The following CNTNAP2 variants were observed in gnomAD, a reference collection of about 807,000 sequenced individuals.
CNTNAP2 encodes contactin-associated protein-like 2.
In CNTNAP2, 98 loss-of-function variants were observed where a neutral mutation model predicts 155.2. The ratio of observed to expected loss-of-function variants is 0.63; its 90% CI spans 0.54 to 0.75. The LOEUF (loss-of-function observed/expected upper bound fraction) is 0.75, where lower values mean the gene tolerates loss of function less well. Among genes scored for constraint, CNTNAP2 ranks in the 30% least tolerant of loss-of-function variants. CNTNAP2 has a pLI of 0.00. For synonymous variants in CNTNAP2, 651 were observed against 631.2 expected, an observed-to-expected ratio of 1.03 and a Z score of -0.47; for missense variants, 1,727 against 1,688.1, an observed-to-expected ratio of 1.02 and a Z score of -0.40.
chr7:146,493,867 A>G (rs541164478), intron 1 of CNTNAP2, among the ~76,000 whole-genome samples: 7 of 152,302 alleles, frequency 4.6e-5, no homozygotes, highest in South Asian at 2.1e-4. Context: ...TATTATTTGC[A>G]AAAGAAAAAT....
At chr7:148,314,843 T>G (rs1448241467) in intron 21 of CNTNAP2, among the ~76,000 whole-genome samples, 1 of 152,174 alleles carries the variant, frequency 6.6e-6, no homozygotes, top group African/African-American at 2.4e-5. Flanking sequence ...CCCATGTGAT[T>G]AAACACCAAG....
At chr7:146,730,456 T>C (rs1045595579) in intron 1 of CNTNAP2, among the ~76,000 whole-genome samples, 9 of 152,214 alleles carry the variant, frequency 5.9e-5, no homozygotes, top group Non-Finnish European at 1.2e-4. Flanking sequence ...TTGAACAGAA[T>C]TGAGATCATG....
At chr7:146,667,392 A>G (rs969907417) in intron 1 of CNTNAP2, among the ~76,000 whole-genome samples, 2 of 152,156 alleles carry the variant, frequency 1.3e-5, no homozygotes, top group South Asian at 2.1e-4. Context: ...GCTTTGTAGT[A>G]TATTTTTAAA....
rs568908343 is a variant in CNTNAP2 at position 147,256,135 on chromosome 7, A to G, written c.1349-44006A>G. Among the ~76,000 whole-genome samples, 4 of 152,310 alleles carry G rather than the reference A, an allele frequency of 2.6e-5. No homozygotes were observed. In the South Asian group the frequency reaches 8.3e-4, roughly 32 times the overall value. On this transcript the variant is annotated intron_variant, in intron 8 of 23. Transcript: ENST00000361727. Reference sequence around the variant, plus strand: ...AAAATAAGATTTTGTTACTGATATAAACCACATTGAAGTGAGGAAGACTGG... The same window carrying G: ...AAAATAAGATTTTGTTACTGATATAGACCACATTGAAGTGAGGAAGACTGG...
intron 3 of CNTNAP2, among the ~76,000 whole-genome samples, chr7:147,042,670 T>C (rs1409610595): frequency 6.6e-6 from 1 of 152,158 alleles, no homozygotes; most frequent in Non-Finnish European, 1.5e-5. Flanking sequence ...GCAAATTCAG[T>C]CCTTAGGCAA....
intron 1 of CNTNAP2, among the ~76,000 whole-genome samples, chr7:146,204,196 C>A (rs541909980): frequency 1.5e-4 from 23 of 152,170 alleles, no homozygotes; most frequent in Middle Eastern, 3.4e-3. Flanking sequence ...ATTGGGCCAA[C>A]AATATCTTAA....
intron 11 of CNTNAP2, among the ~76,000 whole-genome samples, chr7:147,557,489 T>G (rs1799974116): frequency 6.6e-6 from 1 of 152,092 alleles, no homozygotes; most frequent in Non-Finnish European, 1.5e-5. Flanking sequence ...CCCAATTACC[T>G]TTCTGTTCTT....
intron 1 of CNTNAP2, among the ~76,000 whole-genome samples, chr7:146,219,118 A>G (rs1799164546): frequency 6.6e-6 from 1 of 152,138 alleles, no homozygotes; most frequent in African/African-American, 2.4e-5. Flanking sequence ...AGTTCAGGGG[A>G]AATTGCCATT....
intron 16 of CNTNAP2, among the ~76,000 whole-genome samples, chr7:148,127,525 G>T (rs1401685335): frequency 2.0e-5 from 3 of 152,104 alleles, no homozygotes; most frequent in African/African-American, 7.2e-5. Flanking sequence ...TGCAGGCAGC[G>T]GCCTAATGTC....
chr7:147,376,319 T>TA (rs1796433017), intron 9 of CNTNAP2, among the ~76,000 whole-genome samples: 1 of 151,880 alleles, frequency 6.6e-6, no homozygotes, highest in Non-Finnish European at 1.5e-5. Flanking sequence ...GACAGGAGAC[T>TA]ATCATACAAC....
intron 13 of CNTNAP2, among the ~76,000 whole-genome samples, chr7:147,849,699 C>T (rs530180881): frequency 1.2e-4 from 18 of 152,322 alleles, no homozygotes; most frequent in South Asian, 2.1e-4. Flanking sequence ...TGCACACCTG[C>T]GAGCAGGCCA....
intron 9 of CNTNAP2, among the ~76,000 whole-genome samples, chr7:147,307,132 A>C (rs1795044455): frequency 6.6e-6 from 1 of 152,208 alleles, no homozygotes; most frequent in Admixed American, 6.5e-5. Flanking sequence ...GTGTTCCCAG[A>C]GAGTTGTTTA....
chr7:146,980,322 C>A (rs1305316043), intron 3 of CNTNAP2, among the ~76,000 whole-genome samples: 1 of 152,120 alleles, frequency 6.6e-6, no homozygotes, highest in African/African-American at 2.4e-5. Context: ...AAGGACTGAG[C>A]TGTATGTGTC....
intron 4 of CNTNAP2, among the ~76,000 whole-genome samples, chr7:147,051,175 C>T (rs1164150075): frequency 1.6e-5 from 2 of 126,038 alleles, no homozygotes; most frequent in South Asian, 2.4e-4. Flanking sequence ...ATTATATATA[C>T]ATATATATGT....
intron 1 of CNTNAP2, among the ~76,000 whole-genome samples, chr7:146,537,822 G>A (rs938926969): frequency 1.4e-4 from 22 of 152,042 alleles, no homozygotes; most frequent in African/African-American, 4.1e-4. Context: ...GAGTTACGTG[G>A]GGGATATTAG....
In CNTNAP2 at chr7:146,132,388, A is replaced by G. The variant is rs181755681; in HGVS notation, c.97+15415A>G. ...TCAGTAAATCTGGAGTGGAACCTAT[A>G]ATGTAACATTTATTTATTTATTTGT... is the stretch of plus-strand genomic sequence containing the variant. On this transcript the variant is annotated intron_variant, in intron 1 of 23. Transcript: ENST00000361727. Among the ~76,000 whole-genome samples, 7 of 152,168 alleles carry G rather than the reference A, an allele frequency of 4.6e-5. No homozygotes were observed. The East Asian group carries it at 5.8e-4, about 13-fold the overall frequency.
Position 147,281,564 on chromosome 7 carries a change from T to C in CNTNAP2, c.1349-18577T>C, listed in dbSNP as rs552818166. ...TCCTCATGAATATGTTCTTCATGAA[T>C]ATATTTATTAAAAGACTAAACCTAT... On this transcript the variant is annotated intron_variant, in intron 8 of 23. Transcript: ENST00000361727. Among the ~76,000 whole-genome samples, 457 of 151,866 alleles carry C rather than the reference T, an allele frequency of 3.0e-3. 5 individuals carry two copies. Among genetic ancestry groups the C allele is most frequent in the African/African-American group, 0.01 (424 of 41,484 alleles).
intron 14 of CNTNAP2, among the ~76,000 whole-genome samples, chr7:147,924,310 T>A (rs1800344652): frequency 6.6e-6 from 1 of 151,946 alleles, no homozygotes; most frequent in South Asian, 2.1e-4. Context: ...GGCTAATTTT[T>A]GTATTTTTAG....
At chr7:146,721,398 C>CTATATAT (rs1563203516) in intron 1 of CNTNAP2, among the ~76,000 whole-genome samples, 1 of 107,844 alleles carries the variant, frequency 9.3e-6, no homozygotes, top group African/African-American at 4.0e-5. Flanking sequence ...ATTCTATATA[C>CTATATAT]ATTCTATATA....
Sources: gnomAD v4.1 joint callset for allele counts (sites outside exome capture counted in the v4.1 genomes callset) on GRCh38, gnomAD v4.1.1 for gene constraint, MANE v1.5 for transcripts, NCBI Gene and HGNC (gene_info 2026-07-23, HGNC 2026-07-21) for gene names.